Variants in DST observed in about 807,000 individuals in gnomAD.
The protein encoded by DST is dystonin, also known as bullous pemphigoid antigen.
A neutral mutation model predicts 875.2 loss-of-function variants in DST; 253 were observed. The observed-to-expected ratio is 0.29, with a 90% CI of 0.26 to 0.32. DST has a LOEUF of 0.32. Ranked by LOEUF, DST falls within the 10% of genes least tolerant of loss-of-function variation. DST has a pLI of 1.00. For synonymous variants in DST, 3,124 were observed against 3,197.1 expected, an observed-to-expected ratio of 0.98 and a Z score of 0.77; for missense variants, 8,287 against 9,111.6, an observed-to-expected ratio of 0.91 and a Z score of 3.68.
At chr6:56,742,998 A>G (rs1442573907) in intron 4 of DST, among the ~76,000 whole-genome samples, 8 of 152,350 alleles carry the variant, frequency 5.3e-5, no homozygotes, top group Non-Finnish European at 1.0e-4. Flanking sequence ...AAAATTCCAC[A>G]GCCAAAGTGG....
At position 56,535,138 on chromosome 6, in the gene DST, T is replaced by A; in HGVS notation, c.16925A>T (p.Gln5642Leu). 1 of 1,613,846 alleles carries A rather than the reference T, an allele frequency of 6.2e-7. No individual in the cohort carries two copies. Residue 5642 changes from glutamine (Q) to leucine (L), a missense_variant, in exon 63 of 104, where the codon CAG becomes CTG. Around this residue, in one of 10 missense-constraint regions of DST, gnomAD observed 777 missense variants for 764.8 expected, o/e 1.02. Transcript: ENST00000680361. Reference sequence around the variant, plus strand: ...CTAACTTACCTTTTGTTCTTGTATCTGGGCCTTTACCACTTTGAACTCAGC... The same window carrying A: ...CTAACTTACCTTTTGTTCTTGTATCAGGGCCTTTACCACTTTGAACTCAGC... The part of the protein sequence containing the change: ...PSAEFKVVKA[Q>L]IQEQKLLQRL...
intron 3 of DST, among the ~76,000 whole-genome samples, chr6:56,880,354 A>C (rs1029989186): frequency 1.2e-4 from 18 of 152,234 alleles, no homozygotes; most frequent in African/African-American, 4.1e-4. Flanking sequence ...TACAATGAAG[A>C]AATTACTTCG....
At chr6:56,758,488 A>G (rs1277048200) in intron 4 of DST, among the ~76,000 whole-genome samples, 1 of 152,140 alleles carries the variant, frequency 6.6e-6, no homozygotes, top group Non-Finnish European at 1.5e-5. Context: ...AAAACCAACC[A>G]TTTTTTTATG....
intron 91 of DST, among the ~76,000 whole-genome samples, chr6:56,476,758 C>T (rs1040443458): frequency 3.3e-5 from 5 of 151,768 alleles, no homozygotes; most frequent in Non-Finnish European, 5.9e-5. Context: ...TCAAGATCAG[C>T]CTGACCAACC....
chr6:56,892,021 C>T (rs1787799887), intron 3 of DST, among the ~76,000 whole-genome samples: 1 of 152,176 alleles, frequency 6.6e-6, no homozygotes, highest in Non-Finnish European at 1.5e-5. Flanking sequence ...AGGCCCTAAT[C>T]ACCTCACTGC....
intron 4 of DST, among the ~76,000 whole-genome samples, chr6:56,832,562 GTCTTTA>G (rs1167015244): frequency 6.6e-6 from 1 of 150,970 alleles, no homozygotes; most frequent in Non-Finnish European, 1.5e-5. Context: ...TCTCTGGTAT[GTCTTTA>G]TCAGCAGTAT....
At chr6:56,865,488 A>T (rs1210165645) in intron 3 of DST, among the ~76,000 whole-genome samples, 1 of 152,032 alleles carries the variant, frequency 6.6e-6, no homozygotes, top group African/African-American at 2.4e-5. Context: ...CATGTGTGCC[A>T]CCACACCTGG....
rs911744285 is a variant in DST at position 56,650,836 on chromosome 6, T to G, written c.1434+90A>C. On this transcript the variant is annotated intron_variant, in intron 12 of 103. Transcript: ENST00000680361. ...CAAATTCTTTAAAATATATTCAACA[T>G]TCAAAAACTGCAAAAATCATTATCA... The G allele has an allele frequency of 3.9e-6, 3 of 760,354 alleles. No homozygotes were observed. The East Asian group carries it at 7.7e-5, about 20-fold the overall frequency. The allele number at this position is 760,354 out of a possible 1,614,324, so 47.1% of individuals were successfully genotyped here.
Position 56,594,141 on chromosome 6 carries a change from T to A in DST, c.12248A>T (p.Gln4083Leu), listed in dbSNP as rs1166257110. 1 of 1,583,012 alleles carries A rather than the reference T, an allele frequency of 6.3e-7. No homozygotes were observed. ...TTTCTCAAGCAACACTTGTGCAGAC[T>A]GAGTGGCTATGATCACTGCTTGGTG... The part of the protein sequence containing the change: ...SQHQAVIIAT[Q>L]SAQVLLEKQG... Residue 4083 changes from glutamine to leucine, a missense_variant, in exon 48 of 104, where the codon CAG (glutamine) becomes CTG (leucine). Physicochemically the swap from Gln to Leu is moderately radical, Grantham distance 113. This residue lies in a region of DST where 1,513 missense variants were observed against 1,677.8 expected (regional missense o/e 0.90). Transcript: ENST00000680361.
intron 5 of DST, among the ~76,000 whole-genome samples, chr6:56,721,025 C>T (rs1365071109): frequency 3.3e-5 from 5 of 150,246 alleles, no homozygotes; most frequent in Non-Finnish European, 3.0e-5. Context: ...GGGGGCAGCC[C>T]CCTCCGCCTC....
In DST at chr6:56,529,487, G is replaced by A. The variant is rs1430880890; in HGVS notation, c.17556C>T (p.Tyr5852=). Residue 5852 remains tyrosine (Y), a synonymous_variant, in exon 66 of 104, where the codon TAC becomes TAT. Transcript: ENST00000680361. ...DKLSKLSVQD[Y]STEGLWKQQS... ...GCTGCTTCCATAGCCCCTCAGTGCT[G>A]TAATCCTGGACTGAGAGCTTGCTCA... 6.3e-7 allele frequency: 1 copy of A among 1,589,870 alleles called. No homozygotes were observed.
At chr6:56,549,509 T>A (rs769164303) in intron 61 of DST, among the ~76,000 whole-genome samples, 2 of 152,178 alleles carry the variant, frequency 1.3e-5, no homozygotes, top group Non-Finnish European at 2.9e-5. Context: ...AACAAGTCAA[T>A]TTACTACTTT....
At position 56,636,592 on chromosome 6, in the gene DST, CCA is replaced by C. The variant is rs1212432675; in HGVS notation, c.3023_3024del (p.Val1008GlyfsTer16). ...WSWILQLCQCVEQHIKENTAY... is the reference protein window; with the variant it reads ...WSWILQLCQCXEQHIKENTAY... Reference sequence around the variant, plus strand: ...GCTGTGTTCTCCTTTATGTGCTGCTCCACACACTGGCAGAGCTGTAAGATCCA... The same window carrying C: ...GCTGTGTTCTCCTTTATGTGCTGCTCCACACTGGCAGAGCTGTAAGATCCA... On this transcript the variant is annotated frameshift_variant, in exon 23 of 104. Transcript: ENST00000680361. LOFTEE classifies it high-confidence loss of function. 1 of 1,613,546 alleles carries C rather than the reference CCA, an allele frequency of 6.2e-7. No individual in the cohort carries two copies. The highest frequency in any genetic ancestry group is 8.5e-7 in the Non-Finnish European group (1 of 1,179,948).
At chr6:56,942,925 T>C (rs904742399) in intron 2 of DST, among the ~76,000 whole-genome samples, 21 of 152,122 alleles carry the variant, frequency 1.4e-4, no homozygotes, top group Admixed American at 1.3e-3. Flanking sequence ...TTTGCTATAT[T>C]GCCCAGGCCG....
intron 4 of DST, chr6:56,843,145 T>C (rs2099802422): frequency 1.3e-6 from 2 of 1,564,964 alleles, no homozygotes; most frequent in Non-Finnish European, 1.7e-6. Flanking sequence ...TAACCCGCCA[T>C]GCCGAAGTTT....
At chr6:56,624,298 G>A in intron 36 of DST, 2 of 628,552 alleles carry the variant, frequency 3.2e-6, no homozygotes, top group Non-Finnish European at 5.7e-6. Context: ...AAGTGAAAAT[G>A]TAAAGTCATG....
intron 7 of DST, among the ~76,000 whole-genome samples, chr6:56,703,033 A>G (rs2099316994): frequency 6.6e-6 from 1 of 152,212 alleles, no homozygotes; most frequent in Non-Finnish European, 1.5e-5. Context: ...AAGAAGAAGC[A>G]CGTCTGTCTT....
intron 98 of DST, among the ~76,000 whole-genome samples, chr6:56,468,192 A>G (rs2094686477): frequency 6.6e-6 from 1 of 152,114 alleles, no homozygotes; most frequent in African/African-American, 2.4e-5. Context: ...AAGCTTCATG[A>G]ACATGTTTAA....
At chr6:56,784,220 A>G (rs558796144) in intron 4 of DST, among the ~76,000 whole-genome samples, 5 of 152,212 alleles carry the variant, frequency 3.3e-5, no homozygotes, top group South Asian at 4.2e-4. Flanking sequence ...TACTCCTCTC[A>G]AGGAGTATCT....
Sources: gnomAD v4.1 joint callset for allele counts (sites outside exome capture counted in the v4.1 genomes callset) on GRCh38, gnomAD v4.1.1 for gene constraint, gnomAD v4.1.1 regional missense constraint, MANE v1.5 for transcripts, NCBI Gene and HGNC (gene_info 2026-07-23, HGNC 2026-07-21) for gene names.